SVIL: variants seen among roughly 807,000 people sequenced by gnomAD.
SVIL encodes the protein archvillin.
SVIL carries 101 observed loss-of-function variants against 240.4 expected under a neutral mutation model. The ratio of observed to expected loss-of-function variants is 0.42; its 90% CI spans 0.36 to 0.50. The LOEUF is 0.50. SVIL is among the 20% of genes least tolerant of loss of function. The pLI, the probability that SVIL is intolerant of heterozygous loss-of-function variation, is 0.01. For missense variants in SVIL, 2,512 were observed against 2,818.7 expected (o/e 0.89, Z 2.46); for synonymous variants, 999 against 1,100.0 (o/e 0.91, Z 1.82).
intron 6 of SVIL, among the ~76,000 whole-genome samples, chr10:29,546,535 G>A (rs183528567): frequency 1.3e-5 from 2 of 151,226 alleles, no homozygotes; most frequent in Non-Finnish European, 2.9e-5. Flanking sequence ...TATTATTCAG[G>A]TAAATATTGT....
intron 12 of SVIL, among the ~76,000 whole-genome samples, chr10:29,528,417 A>G (rs1023148401): frequency 6.6e-6 from 1 of 152,096 alleles, no homozygotes; most frequent in African/African-American, 2.4e-5. Context: ...GTCCAAGGTA[A>G]GCACAAAACC....
At chr10:29,512,290 A>G (rs1250643911) in intron 17 of SVIL, among the ~76,000 whole-genome samples, 1 of 152,226 alleles carries the variant, frequency 6.6e-6, no homozygotes, top group Non-Finnish European at 1.5e-5. Context: ...TGAACTAAAT[A>G]CTCATAAACC....
rs377546667 is a variant in SVIL, at chr10:29,588,416, T to C, written c.-200-19104A>G. Among the ~76,000 whole-genome samples the C allele has an allele frequency of 9.9e-3, 1,474 of 149,418 alleles. 31 individuals carry two copies. The highest frequency in any genetic ancestry group is 0.035 in the African/African-American group (1,379 of 38,876). Reference sequence around the variant, plus strand: ...TCACGTTAAGACACTTCCTGTGCAGTTTCTTGGACACCCAGCAGTGAACAT... The same window carrying C: ...TCACGTTAAGACACTTCCTGTGCAGCTTCTTGGACACCCAGCAGTGAACAT... On this transcript the variant is annotated intron_variant, in intron 1 of 37. Transcript: ENST00000355867.
At chr10:29,460,301 A>G (rs1188360831) in intron 36 of SVIL, among the ~76,000 whole-genome samples, 1 of 152,220 alleles carries the variant, frequency 6.6e-6, no homozygotes, top group Non-Finnish European at 1.5e-5. Flanking sequence ...TGCCTAGTGC[A>G]GAGTGGGCAC....
At chr10:29,497,998 C>T (rs1034538740) in intron 18 of SVIL, among the ~76,000 whole-genome samples, 46 of 134,666 alleles carry the variant, frequency 3.4e-4, no homozygotes, top group African/African-American at 1.2e-3. Context: ...AGGAAAATTG[C>T]TTGAACCTGG....
At chr10:29,495,513 C>T (rs970989110) in intron 18 of SVIL, among the ~76,000 whole-genome samples, 7 of 152,172 alleles carry the variant, frequency 4.6e-5, no homozygotes, top group Non-Finnish European at 1.0e-4. Context: ...ATGGCAGGGG[C>T]AGCTGAGAGT....
intron 6 of SVIL, among the ~76,000 whole-genome samples, chr10:29,542,555 G>A (rs1333713860): frequency 6.6e-6 from 1 of 151,972 alleles, no homozygotes; most frequent in Non-Finnish European, 1.5e-5. Flanking sequence ...TGGGTACATA[G>A]CAAGTGTACG....
chr10:29,509,888 T>C (rs552761162), intron 17 of SVIL, among the ~76,000 whole-genome samples: 4 of 152,310 alleles, frequency 2.6e-5, no homozygotes, highest in Admixed American at 6.5e-5. Context: ...TTAATATCTA[T>C]TCACAGGCCC....
intron 10 of SVIL, 30 bp from the exon 11 acceptor site, chr10:29,530,698 C>T: frequency 6.2e-7 from 1 of 1,613,726 alleles, no homozygotes; most frequent in South Asian, 1.1e-5. Flanking sequence ...AAAAACTGGA[C>T]ATCATTAGAG....
Position 29,550,814 on chromosome 10 carries a change from T to A in SVIL, c.610A>T (p.Asn204Tyr). Residue 204 changes from asparagine (N) to tyrosine (Y), a missense_variant, in exon 6 of 38, where the codon AAC (asparagine) becomes TAC (tyrosine). By Grantham distance (143) the Asn-to-Tyr change is moderately radical (BLOSUM62 -2). Transcript: ENST00000355867. The part of the protein sequence containing the change: ...SDPEVLLNIE[N>Y]QRRGQELSAT... ...CTCAGCTCTTGACCTCGTCTTTGGT[T>A]TTCTATGTTCAGCAGCACCTCCGGG... is the stretch of plus-strand genomic sequence containing the variant. 5.0e-6 allele frequency: 8 copies of A among 1,614,060 alleles called. No homozygotes were observed. The highest frequency in any genetic ancestry group is 6.8e-6 in the Non-Finnish European group (8 of 1,180,026).
chr10:29,536,911 CAA>C (rs59133069), intron 6 of SVIL, among the ~76,000 whole-genome samples: 46 of 89,822 alleles, frequency 5.1e-4, no homozygotes, highest in African/African-American at 6.0e-4. Flanking sequence ...GACTCTGTCA[CAA>C]AAAAAAAAAA....
chr10:29,635,706 C>G (rs955170795), upstream of SVIL, among the ~76,000 whole-genome samples: 2 of 152,196 alleles, frequency 1.3e-5, no homozygotes, highest in Non-Finnish European at 2.9e-5. Context: ...TGAATACACT[C>G]AAACAAATAT....
rs1280464795 is a variant in SVIL at position 29,532,597 on chromosome 10, T to C, written c.1770A>G (p.Thr590=). 3.7e-6 allele frequency: 6 copies of C among 1,613,924 alleles called. No homozygotes were observed. Among genetic ancestry groups the C allele is most frequent in the Admixed American group, 1.7e-5 (1 of 60,004 alleles). The part of the protein sequence containing the change: ...GPYGEISMLD[T]KVSVAQLRSA... ...TTCGGAGCTGGGCGACAGAGACTTTTGTGTCCAGCATGCTGATCTCCCCAT... is the reference window on the plus strand; with the variant it reads ...TTCGGAGCTGGGCGACAGAGACTTTCGTGTCCAGCATGCTGATCTCCCCAT... The change falls in exon 8 of 38, where the codon ACA becomes ACG. Residue 590 remains threonine, a synonymous_variant. Transcript: ENST00000355867.
At chr10:29,473,718 T>C in intron 30 of SVIL, 120 bp downstream of exon 30, 1 of 1,360,242 alleles carries the variant, frequency 7.4e-7, no homozygotes, top group Non-Finnish European at 1.0e-6. Flanking sequence ...CTGAAGTGCT[T>C]TGGGTGACGT....
intron 22 of SVIL, 139 bp from the exon 23 acceptor site, chr10:29,488,895 G>T: frequency 2.1e-6 from 2 of 939,102 alleles, no homozygotes; most frequent in Non-Finnish European, 3.1e-6. Flanking sequence ...ACTCAAGTTT[G>T]ATTAAATGTG....
intron 3 of SVIL, among the ~76,000 whole-genome samples, chr10:29,656,897 T>C: frequency 6.6e-6 from 1 of 152,310 alleles, no homozygotes; most frequent in East Asian, 1.9e-4. Flanking sequence ...ACTATTAATA[T>C]ATGTACATAT....
chr10:29,706,057 G>T (rs903797620), intron 1 of SVIL, among the ~76,000 whole-genome samples: 3 of 152,080 alleles, frequency 2.0e-5, no homozygotes, highest in African/African-American at 7.2e-5. Context: ...CATGCCTGTA[G>T]ATTGACGGGC....
At chr10:29,571,937 C>G (rs1366196799) in intron 1 of SVIL, among the ~76,000 whole-genome samples, 1 of 152,152 alleles carries the variant, frequency 6.6e-6, no homozygotes, top group Non-Finnish European at 1.5e-5. Context: ...CACCTAGGAG[C>G]AGGGACTCTG....
intron 17 of SVIL, among the ~76,000 whole-genome samples, chr10:29,512,488 T>G (rs1157604885): frequency 1.3e-5 from 2 of 152,234 alleles, no homozygotes; most frequent in Non-Finnish European, 2.9e-5. Flanking sequence ...AGTCCACACT[T>G]TAAAATTCAG....
Sources: allele counts gnomAD v4.1 joint callset (sites outside exome capture counted in the v4.1 genomes callset), GRCh38; gene constraint gnomAD v4.1.1; transcripts MANE v1.5; gene names NCBI Gene and HGNC (gene_info 2026-07-23, HGNC 2026-07-21).